Variants in PTK2B observed in about 807,000 individuals in gnomAD.
The protein encoded by PTK2B is protein tyrosine kinase 2 beta.
A neutral mutation model predicts 142.9 loss-of-function variants in PTK2B; 71 were observed. That is an observed-to-expected ratio of 0.50 (90% CI 0.41 to 0.61). PTK2B has a LOEUF of 0.61. Ranked by LOEUF, PTK2B falls within the 20% of genes least tolerant of loss-of-function variation. The pLI is 0.00. For missense variants in PTK2B, 1,105 were observed against 1,320.4 expected, an observed-to-expected ratio of 0.84 and a Z score of 2.53; for synonymous variants, 519 against 503.4, an observed-to-expected ratio of 1.03 and a Z score of -0.42.
At chr8:27,334,725 C>G (rs542023662) in intron 1 of PTK2B, among the ~76,000 whole-genome samples, 145 of 152,272 alleles carry the variant, frequency 9.5e-4, no homozygotes, top group Non-Finnish European at 1.7e-3. Context: ...GTGAGCCAGA[C>G]AGCGCTTCCT....
At chr8:27,413,396 T>G (rs1332202544) in intron 2 of PTK2B, among the ~76,000 whole-genome samples, 1 of 152,230 alleles carries the variant, frequency 6.6e-6, no homozygotes, top group Non-Finnish European at 1.5e-5. Context: ...GTGTCTGTTT[T>G]TCCTGTCTGA....
rs549703523 is a variant in PTK2B, at chr8:27,431,294, C to G, written c.811-104C>G. On this transcript the variant is annotated intron_variant, in intron 8 of 30. Coordinates refer to ENST00000346049, the MANE Select transcript of PTK2B (RefSeq NM_173176.3). ...GTTTCGGTGAGAAGGAGCTGGAGAC[C>G]CAGGAAACAGTGGCTTGTGTCTAGC... 227 of 1,585,910 alleles carry G rather than the reference C, an allele frequency of 1.4e-4. 1 individual carries two copies. The African/African-American group carries it at 2.9e-3, about 20-fold the overall frequency.
At chr8:27,455,788 G>C (rs1373345395) in intron 30 of PTK2B, among the ~76,000 whole-genome samples, 1 of 152,250 alleles carries the variant, frequency 6.6e-6, no homozygotes, top group African/African-American at 2.4e-5. Flanking sequence ...AATCTGTGTT[G>C]TTTTGCGCCA....
At chr8:27,422,164 C>A in intron 4 of PTK2B, 140 bp from the exon 5 acceptor site, 1 of 760,534 alleles carries the variant, frequency 1.3e-6, no homozygotes, top group South Asian at 2.0e-5. Flanking sequence ...GCTCTCCATC[C>A]CTGCTCCATG....
At chr8:27,440,467 C>A in intron 21 of PTK2B, 26 bp downstream of exon 21, 1 of 1,609,126 alleles carries the variant, frequency 6.2e-7, no homozygotes, top group Non-Finnish European at 8.5e-7. Flanking sequence ...GGGCTGTGGG[C>A]TGGGGGCCCA....
intron 1 of PTK2B, among the ~76,000 whole-genome samples, chr8:27,381,714 T>C (rs574451696): frequency 3.8e-4 from 58 of 152,188 alleles, no homozygotes; most frequent in Non-Finnish European, 6.6e-4. Flanking sequence ...CTATTTGTAG[T>C]TTTTTTGAGG....
chr8:27,415,237 A>G (rs1456843207), intron 2 of PTK2B, among the ~76,000 whole-genome samples: 1 of 152,168 alleles, frequency 6.6e-6, no homozygotes, highest in African/African-American at 2.4e-5. Flanking sequence ...GTATGTACCC[A>G]AGCATATCCA....
chr8:27,361,607 G>A (rs1396930424), intron 1 of PTK2B, among the ~76,000 whole-genome samples: 4 of 152,138 alleles, frequency 2.6e-5, no homozygotes, highest in African/African-American at 9.7e-5. Context: ...TGACTTCAGG[G>A]AGGGACCTTG....
At chr8:27,330,346 C>T (rs778225018) in intron 1 of PTK2B, among the ~76,000 whole-genome samples, 3 of 152,160 alleles carry the variant, frequency 2.0e-5, no homozygotes, top group South Asian at 2.1e-4. Flanking sequence ...TCCTCTTCTG[C>T]GAGGCATCAG....
chr8:27,414,423 T>G (rs1369390159), intron 2 of PTK2B, among the ~76,000 whole-genome samples: 7 of 152,140 alleles, frequency 4.6e-5, no homozygotes, highest in Non-Finnish European at 8.8e-5. Flanking sequence ...TTTTTTGTAT[T>G]TTTTAGTAGA....
At chr8:27,376,830 T>C (rs1806700202) in intron 1 of PTK2B, among the ~76,000 whole-genome samples, 1 of 152,196 alleles carries the variant, frequency 6.6e-6, no homozygotes, top group Non-Finnish European at 1.5e-5. Context: ...GAAATAACTA[T>C]AAAAATGGGC....
chr8:27,449,722 A>T (rs147511081), intron 24 of PTK2B, among the ~76,000 whole-genome samples: 6 of 152,266 alleles, frequency 3.9e-5, no homozygotes, highest in Non-Finnish European at 8.8e-5. Flanking sequence ...AAAATAGTTT[A>T]GAGACACTGA....
rs757050060 is a variant in PTK2B at position 27,439,346 on chromosome 8, A to G, written c.1782A>G (p.Pro594=). 3.1e-6 allele frequency: 5 copies of G among 1,614,132 alleles called. No homozygotes were observed. In the South Asian group the frequency reaches 5.5e-5, roughly 18 times the overall value. The change falls in exon 20 of 31, where the codon CCA becomes CCG. Residue 594 remains proline, a synonymous_variant. Transcript: ENST00000346049. ...VTRLPIKWMS[P]ESINFRRFTT... is the part of the protein sequence containing the mutation. ...GTCTCCCCATCAAATGGATGTCCCCAGAGTCCATTAACTTCCGACGCTTCA... is the reference window on the plus strand; with the variant it reads ...GTCTCCCCATCAAATGGATGTCCCCGGAGTCCATTAACTTCCGACGCTTCA...
intron 1 of PTK2B, among the ~76,000 whole-genome samples, chr8:27,354,599 T>C (rs1805291539): frequency 6.6e-6 from 1 of 152,080 alleles, no homozygotes; most frequent in African/African-American, 2.4e-5. Context: ...AACAGGAAAA[T>C]AGTGACATCC....
At chr8:27,413,039 G>GA (rs57661178) in intron 2 of PTK2B, among the ~76,000 whole-genome samples, 2,922 of 145,216 alleles carry the variant, frequency 0.02, 36 homozygotes, top group Middle Eastern at 0.046. Flanking sequence ...TAAAAAGTTG[G>GA]AAAAAAAAAA....
At chr8:27,394,477 C>A (rs1200431769) in intron 1 of PTK2B, among the ~76,000 whole-genome samples, 1 of 152,098 alleles carries the variant, frequency 6.6e-6, no homozygotes, top group African/African-American at 2.4e-5. Context: ...AATGGTGCAC[C>A]GGTCTAGGGC....
intron 1 of PTK2B, among the ~76,000 whole-genome samples, chr8:27,371,526 CAG>C (rs931803558): frequency 2.0e-4 from 30 of 147,222 alleles, no homozygotes; most frequent in African/African-American, 6.7e-4. Context: ...GGAATATAAA[CAG>C]AATCTATTTT....
At chr8:27,416,548 A>G (rs555430243) in intron 2 of PTK2B, among the ~76,000 whole-genome samples, 3 of 152,242 alleles carry the variant, frequency 2.0e-5, no homozygotes, top group Non-Finnish European at 4.4e-5. Flanking sequence ...AAAAGAAAAC[A>G]TAGAATATCT....
In PTK2B at chr8:27,363,376, C is replaced by T. The variant is rs867327042; in HGVS notation, c.-37-34172C>T. On this transcript the variant is annotated intron_variant, in intron 1 of 30. Transcript: ENST00000346049. The surrounding 1 kb of genome is among the most constrained non-coding windows in gnomAD (Gnocchi z 4.3). ...AGATGGGTTTTGTTCTGTGCATCTC[C>T]ATGAGCAGGCCCAGGAAGTTACAGA... 6.6e-6 allele frequency among the ~76,000 whole-genome samples: 1 copy of T among 152,132 alleles called. No individual in the cohort carries two copies. The highest frequency in any genetic ancestry group is 2.1e-4 in the South Asian group (1 of 4,828).
Sources: gnomAD v4.1 joint callset for allele counts (sites outside exome capture counted in the v4.1 genomes callset) on GRCh38, gnomAD v4.1.1 for gene constraint, Gnocchi (gnomAD v3.1) non-coding constraint, MANE v1.5 for transcripts, NCBI Gene and HGNC (gene_info 2026-07-23, HGNC 2026-07-21) for gene names.